USP48: variants seen among roughly 807,000 people sequenced by gnomAD.
The protein encoded by USP48 is ubiquitin specific peptidase 48.
In USP48, 43 loss-of-function variants were observed where a neutral mutation model predicts 150.7. The observed-to-expected ratio is 0.29, with a 90% CI of 0.22 to 0.37. USP48 has a LOEUF of 0.37. Among genes scored for constraint, USP48 ranks in the 10% least tolerant of loss-of-function variants. USP48 has a pLI of 1.00. For missense variants in USP48, 813 were observed against 1,249.6 expected, an observed-to-expected ratio of 0.65 and a Z score of 5.27; for synonymous variants, 396 against 425.9, an observed-to-expected ratio of 0.93 and a Z score of 0.86.
chr1:21,775,149 C>G (rs1485104285), intron 1 of USP48, among the ~76,000 whole-genome samples: 1 of 150,882 alleles, frequency 6.6e-6, no homozygotes, highest in Non-Finnish European at 1.5e-5. Context: ...AGCTGGAGTG[C>G]GGTGGCATGG....
chr1:21,744,777 T>TTAAA (rs34236432), intron 8 of USP48, among the ~76,000 whole-genome samples: 3 of 59,546 alleles, frequency 5.0e-5, no homozygotes, highest in African/African-American at 2.1e-4. Flanking sequence ...ACTCTATCTC[T>TTAAA]AAAAAAAAAA....
intron 22 of USP48, among the ~76,000 whole-genome samples, chr1:21,700,671 A>G (rs903226976): frequency 6.6e-6 from 1 of 152,250 alleles, no homozygotes. Context: ...TAGAAAATCC[A>G]TGAGTTTAAA....
At chr1:21,688,815 C>T (rs1337671310) in intron 24 of USP48, among the ~76,000 whole-genome samples, 4 of 140,784 alleles carry the variant, frequency 2.8e-5, no homozygotes, top group Non-Finnish European at 6.0e-5. Flanking sequence ...TGCACTCCAG[C>T]CTGGGCAACA....
chr1:21,680,330 G>A (rs961721226), intron 26 of USP48, among the ~76,000 whole-genome samples: 5 of 152,312 alleles, frequency 3.3e-5, no homozygotes, highest in Admixed American at 1.3e-4. Context: ...GAGCACCACC[G>A]TGTCTCCTCT....
chr1:21,749,806 T>C (rs984703265), intron 6 of USP48, among the ~76,000 whole-genome samples: 3 of 152,158 alleles, frequency 2.0e-5, no homozygotes, highest in African/African-American at 7.2e-5. Flanking sequence ...TATCACTATG[T>C]TGCCTAGGCT....
chr1:21,727,909 G>C (rs1047336694), intron 11 of USP48: 1 of 983,174 alleles, frequency 1.0e-6, no homozygotes, highest in African/African-American at 1.7e-5. Context: ...TCCTTAAGTA[G>C]GAATTAGGCT....
intron 25 of USP48, among the ~76,000 whole-genome samples, chr1:21,685,329 C>CT (rs555922788): frequency 0.082 from 11,175 of 136,320 alleles, 605 homozygotes; most frequent in East Asian, 0.27. Context: ...GCTTTCTTTT[C>CT]TTTTTTTTTT....
At chr1:21,750,752 C>T (rs990177736) in intron 6 of USP48, among the ~76,000 whole-genome samples, 6 of 151,966 alleles carry the variant, frequency 3.9e-5, no homozygotes, top group East Asian at 1.9e-4. Context: ...TATGGTGGCC[C>T]GCGCCTATAA....
intron 22 of USP48, among the ~76,000 whole-genome samples, chr1:21,697,766 G>C (rs35196659): frequency 6.6e-6 from 1 of 151,468 alleles, no homozygotes; most frequent in East Asian, 1.9e-4. Context: ...TTTTATTTTA[G>C]AAGTACAAAA....
At chr1:21,703,383 C>T (rs1160518840) in intron 21 of USP48, 129 bp downstream of exon 21, 10 of 552,028 alleles carry the variant, frequency 1.8e-5, no homozygotes. Context: ...AATTTCAATT[C>T]TGATGCCAAA....
chr1:21,763,396 C>A (rs1217672307), intron 1 of USP48, among the ~76,000 whole-genome samples: 1 of 152,204 alleles, frequency 6.6e-6, no homozygotes, highest in Non-Finnish European at 1.5e-5. Flanking sequence ...CGGTGCTTTG[C>A]ATTAAAAGGG....
At chr1:21,755,059 C>T (rs1375608652) in intron 3 of USP48, among the ~76,000 whole-genome samples, 1 of 152,124 alleles carries the variant, frequency 6.6e-6, no homozygotes, top group Non-Finnish European at 1.5e-5. Context: ...TAATCTTTAA[C>T]TCTTATTAAT....
intron 23 of USP48, among the ~76,000 whole-genome samples, chr1:21,693,658 AGGCACAGG>A (rs2097611050): frequency 6.6e-6 from 1 of 152,248 alleles, no homozygotes; most frequent in African/African-American, 2.4e-5. Context: ...AAATGTCTTT[AGGCACAGG>A]GGCTCTTTCT....
chr1:21,705,361 CTTTAA>C (rs2097669180), intron 19 of USP48, among the ~76,000 whole-genome samples: 1 of 152,178 alleles, frequency 6.6e-6, no homozygotes, highest in South Asian at 2.1e-4. Flanking sequence ...TAGCCTCCTC[CTTTAA>C]TTGTCTGAAG....
intron 3 of USP48, 51 bp from the exon 4 acceptor site, chr1:21,753,170 T>C: frequency 1.9e-6 from 3 of 1,555,040 alleles, no homozygotes; most frequent in Non-Finnish European, 2.6e-6. Context: ...CTACTTTTCT[T>C]TCCAAAAAAT....
chr1:21,717,458 CCAAA>C (rs111753763), intron 14 of USP48, among the ~76,000 whole-genome samples: 4 of 151,302 alleles, frequency 2.6e-5, no homozygotes, highest in East Asian at 2.0e-4. Flanking sequence ...ACCCAACCAA[CCAAA>C]CAAACAAAAA....
At chr1:21,685,608 C>T (rs148915775) in intron 25 of USP48, among the ~76,000 whole-genome samples, 1,988 of 152,298 alleles carry the variant, frequency 0.013, 22 homozygotes, top group Non-Finnish European at 0.022. Context: ...AGCCACTGCG[C>T]CCAGCCGCTT....
intron 25 of USP48, 193 bp downstream of exon 25, chr1:21,686,998 G>T: frequency 1.7e-6 from 1 of 605,082 alleles, no homozygotes; most frequent in South Asian, 2.1e-5. Flanking sequence ...CCTCAGGTTA[G>T]CTTTCCAAGT....
chr1:21,723,146 T>C (rs901683711), intron 12 of USP48, among the ~76,000 whole-genome samples: 7 of 152,168 alleles, frequency 4.6e-5, no homozygotes, highest in Non-Finnish European at 7.4e-5. Context: ...TGGTCATATA[T>C]AGCTCTATAT....
Sources: gnomAD v4.1 joint callset for allele counts (sites outside exome capture counted in the v4.1 genomes callset) on GRCh38, gnomAD v4.1.1 for gene constraint, MANE v1.5 for transcripts, NCBI Gene and HGNC (gene_info 2026-07-23, HGNC 2026-07-21) for gene names.